The following SPRED1 variants were observed in gnomAD, a reference collection of about 807,000 sequenced individuals.
The protein encoded by SPRED1 is sprouty-related, EVH1 domain-containing protein 1.
SPRED1 carries 18 observed loss-of-function variants against 52.3 expected under a neutral mutation model. The ratio of observed to expected loss-of-function variants is 0.34; its 90% confidence interval spans 0.24 to 0.51. The LOEUF is 0.51. Ranked by LOEUF, SPRED1 falls within the 20% of genes least tolerant of loss-of-function variation. The pLI is 0.97. For missense variants in SPRED1, 485 were observed against 551.0 expected, an observed-to-expected ratio of 0.88 and a Z score of 1.20; for synonymous variants, 155 against 179.7, an observed-to-expected ratio of 0.86 and a Z score of 1.10.
Position 38,299,522 on chromosome 15 carries a change from G to T in SPRED1, c.182G>T (p.Arg61Leu), listed in dbSNP as rs750686148. The T allele has an allele frequency of 3.7e-6, 6 of 1,613,916 alleles. No homozygotes were observed. The highest frequency in any genetic ancestry group is 5.1e-6 in the Non-Finnish European group (6 of 1,179,880). ...EENGCADFFI[R>L]GERLRDKMVV... ...AATGGCTGTGCTGACTTTTTTATCC[G>T]TGGAGAGCGACTCAGGGACAAAATG... Residue 61 changes from arginine (R) to leucine (L), a missense_variant, in exon 2 of 7, where the codon CGT becomes CTT. Physicochemically the swap from Arg to Leu is moderately radical, Grantham distance 102 (BLOSUM62 -2). Transcript: ENST00000299084.
intron 2 of SPRED1, 81 bp downstream of exon 2, chr15:38,299,628 T>G (rs1895113974): frequency 7.3e-7 from 1 of 1,376,688 alleles, no homozygotes; most frequent in Non-Finnish European, 1.0e-6. Context: ...CTGTTGTGAG[T>G]TTTTTTCACC....
In SPRED1 at chr15:38,253,099, C is replaced by T. The variant is rs886051103; in HGVS notation, c.-87C>T. The T allele has an allele frequency of 7.9e-7, 1 of 1,268,606 alleles. No individual in the cohort carries two copies. The highest frequency in any genetic ancestry group is 1.1e-6 in the Non-Finnish European group (1 of 892,772). The allele number at this position is 1,268,606 out of a possible 1,614,324, so 78.6% of individuals were successfully genotyped here. On this transcript the variant is annotated 5_prime_UTR_variant, in exon 1 of 7. Coordinates refer to ENST00000299084, the MANE Select transcript of SPRED1 (RefSeq NM_152594.3). ...CGCTGCCCCCGCGCCCCCCCGGCCG[C>T]CGCTGCCTCCTGCCCCTCGGTGCTG... is the stretch of plus-strand genomic sequence containing the variant.
chr15:38,321,404 C>T (rs1263779810), intron 2 of SPRED1, among the ~76,000 whole-genome samples: 1 of 152,058 alleles, frequency 6.6e-6, no homozygotes, highest in Non-Finnish European at 1.5e-5. Context: ...CCACTCTAAG[C>T]TCTGGGATAT....
intron 2 of SPRED1, among the ~76,000 whole-genome samples, chr15:38,308,980 A>G (rs1895308132): frequency 6.6e-6 from 1 of 152,234 alleles, no homozygotes; most frequent in South Asian, 2.1e-4. Flanking sequence ...CATCCTCACC[A>G]GCATTTCAAG....
chr15:38,294,107 C>T (rs1371656703), intron 1 of SPRED1, among the ~76,000 whole-genome samples: 2 of 152,170 alleles, frequency 1.3e-5, no homozygotes, highest in Non-Finnish European at 2.9e-5. Flanking sequence ...TTAGAAAGCA[C>T]GTACTTACAC....
At chr15:38,342,391 A>T (rs1489117188) in intron 5 of SPRED1, among the ~76,000 whole-genome samples, 3 of 151,980 alleles carry the variant, frequency 2.0e-5, no homozygotes, top group African/African-American at 7.2e-5. Context: ...TGTAACTGTC[A>T]TTACAAACTT....
chr15:38,276,210 GTTTT>G (rs536478144), intron 1 of SPRED1, among the ~76,000 whole-genome samples: 3 of 121,240 alleles, frequency 2.5e-5, no homozygotes, highest in Non-Finnish European at 5.3e-5. Context: ...TGCTGTGAAT[GTTTT>G]TTTTTTTTTT....
intron 1 of SPRED1, among the ~76,000 whole-genome samples, chr15:38,277,112 G>T (rs1894572576): frequency 6.6e-6 from 1 of 152,054 alleles, no homozygotes; most frequent in Non-Finnish European, 1.5e-5. Flanking sequence ...AAAATTTCTT[G>T]TGTCAGTATA....
intron 1 of SPRED1, among the ~76,000 whole-genome samples, chr15:38,257,174 G>A (rs182650784): frequency 1.7e-4 from 26 of 152,140 alleles, no homozygotes; most frequent in Non-Finnish European, 1.6e-4. Context: ...GTCCCTCTAT[G>A]TTGCCTCTGT....
chr15:38,306,959 A>G (rs1239279172), intron 2 of SPRED1, among the ~76,000 whole-genome samples: 2 of 152,128 alleles, frequency 1.3e-5, no homozygotes, highest in African/African-American at 4.8e-5. Flanking sequence ...CAGCCTCATC[A>G]ATATTGTCTT....
At chr15:38,268,348 T>A (rs568694451) in intron 1 of SPRED1, 8 of 152,324 alleles carry the variant, frequency 5.3e-5, no homozygotes, top group Admixed American at 4.6e-4. Context: ...GAGAACAACA[T>A]CCCAAATACT....
chr15:38,256,096 T>G (rs1215664184), intron 1 of SPRED1, among the ~76,000 whole-genome samples: 2 of 152,164 alleles, frequency 1.3e-5, no homozygotes, highest in East Asian at 3.8e-4. Flanking sequence ...ATCTGTTATG[T>G]GTAGGGCTTT....
In SPRED1 at chr15:38,354,416, A is replaced by AG. The variant is rs746468942; in HGVS notation, c.*2752_*2753insG. On this transcript the variant is annotated 3_prime_UTR_variant, in exon 7 of 7. Transcript: ENST00000299084. ...ATGACAAGCAAGACTGGTCTGATGA[A>AG]CTTGTTCAGAATTGATAATTCTTAA... The AG allele has an allele frequency of 6.6e-6, 1 of 152,220 alleles. No homozygotes were observed. The highest frequency in any genetic ancestry group is 1.5e-5 in the Non-Finnish European group (1 of 68,032). 9.4% of individuals were successfully genotyped at this position (152,220 alleles called of 1,614,324 possible).
chr15:38,353,473 G>A lies in SPRED1; in HGVS notation c.*1809G>A, dbSNP rs578008401. ...TAACTATAGATGTTATGAAGAAGAG[G>A]GTATTTCTAGTTTTGTACTAAAAAT... On this transcript the variant is annotated 3_prime_UTR_variant, in exon 7 of 7. Transcript: ENST00000299084. 3.4e-4 allele frequency: 52 copies of A among 152,304 alleles called. No homozygotes were observed. The highest frequency in any genetic ancestry group is 1.2e-3 in the African/African-American group (48 of 41,486). 9.4% of individuals were successfully genotyped at this position (152,304 alleles called of 1,614,324 possible). A position where few individuals can be genotyped will look rare whatever the true frequency, so the allele number is the denominator to read the frequency against.
At chr15:38,273,107 T>C (rs1308559621) in intron 1 of SPRED1, among the ~76,000 whole-genome samples, 5 of 152,206 alleles carry the variant, frequency 3.3e-5, no homozygotes, top group Non-Finnish European at 7.3e-5. Flanking sequence ...CCAAGGCCCA[T>C]GTCCTGAATG....
chr15:38,327,056 T>C (rs370077135), intron 4 of SPRED1, among the ~76,000 whole-genome samples: 1 of 152,198 alleles, frequency 6.6e-6, no homozygotes, highest in East Asian at 1.9e-4. Flanking sequence ...TGGGTATGTG[T>C]TGGGCAGGTA....
At chr15:38,265,342 C>T (rs1006004269) in intron 1 of SPRED1, among the ~76,000 whole-genome samples, 4 of 152,084 alleles carry the variant, frequency 2.6e-5, no homozygotes, top group Non-Finnish European at 5.9e-5. Context: ...TTTAGTTCTT[C>T]AGAAGGAAGG....
chr15:38,338,038 TA>T (rs66632536), intron 4 of SPRED1, among the ~76,000 whole-genome samples: 46,467 of 88,892 alleles, frequency 0.52, 10,491 homozygotes, highest in Middle Eastern at 0.58. Context: ...CCATTGCTAC[TA>T]AAAAAAAAAA....
intron 2 of SPRED1, among the ~76,000 whole-genome samples, chr15:38,313,019 C>T (rs1895399507): frequency 1.3e-5 from 2 of 151,948 alleles, no homozygotes; most frequent in Admixed American, 6.6e-5. Flanking sequence ...CTCTCCCACA[C>T]GCACACACCC....
Sources: gnomAD v4.1 joint callset for allele counts (sites outside exome capture counted in the v4.1 genomes callset) on GRCh38, gnomAD v4.1.1 for gene constraint, MANE v1.5 for transcripts, NCBI Gene and HGNC (gene_info 2026-07-23, HGNC 2026-07-21) for gene names.